Variants in CTPS2 observed in about 807,000 individuals in gnomAD.
The protein encoded by CTPS2 is CTP synthase 2, also known as CTP synthase II.
CTPS2 carries 19 observed loss-of-function variants against 46.8 expected under a neutral mutation model. The ratio of observed to expected loss-of-function variants is 0.41; its 90% CI spans 0.28 to 0.60. The LOEUF is 0.60. Among genes scored for constraint, CTPS2 ranks in the 20% least tolerant of loss-of-function variants. CTPS2 has a pLI of 0.35. For synonymous variants in CTPS2, 151 were observed against 165.2 expected, an observed-to-expected ratio of 0.91 and a Z score of 0.66; for missense variants, 286 against 447.6, an observed-to-expected ratio of 0.64 and a Z score of 3.26.
chrX:16,628,866 C>G (rs1455580131), intron 14 of CTPS2, among the ~76,000 whole-genome samples: 1 of 111,832 alleles, frequency 8.9e-6, no homozygotes, highest in Non-Finnish European at 1.9e-5. Flanking sequence ...GGTCACTAAC[C>G]GACGTTTGCC....
chrX:16,696,313 C>A (rs1208441358), intron 4 of CTPS2, among the ~76,000 whole-genome samples: 1 of 111,592 alleles, frequency 9.0e-6, no homozygotes, highest in East Asian at 2.8e-4. Flanking sequence ...GATGGTTGAC[C>A]ACTAGTATCC....
intron 17 of CTPS2, among the ~76,000 whole-genome samples, chrX:16,597,195 T>G (rs1285140245): frequency 2.7e-5 from 3 of 111,912 alleles, no homozygotes; most frequent in Admixed American, 9.5e-5. Flanking sequence ...CTCTTTAGTT[T>G]AATTAGATCC....
rs1272704396 is a variant in CTPS2 at position 16,701,801 on chromosome X, G to A, written c.166+936C>T. ...TTTTTAGTAGAGACGGGGTTTCACC[G>A]TGTTAGCCAGGACGGTCTCGATCTC... On this transcript the variant is annotated intron_variant, in intron 2 of 18. Coordinates refer to ENST00000359276, the MANE Select transcript of CTPS2 (RefSeq NM_175859.3). Among the ~76,000 whole-genome samples, 53 of 108,610 alleles carry A rather than the reference G, an allele frequency of 4.9e-4. No individual in the cohort carries two copies. In the Admixed American group the frequency reaches 5.0e-3, roughly 10 times the overall value. 94.3% of individuals were successfully genotyped at this position (108,610 alleles called of 115,157 possible).
chrX:16,622,309 C>T (rs767601703), intron 14 of CTPS2, among the ~76,000 whole-genome samples: 6 of 107,582 alleles, frequency 5.6e-5, no homozygotes, highest in African/African-American at 1.7e-4. Context: ...GGCTGGGGCA[C>T]GAGAATCACT....
At chrX:16,631,422 G>C (rs1931463098) in intron 14 of CTPS2, among the ~76,000 whole-genome samples, 1 of 111,385 alleles carries the variant, frequency 9.0e-6, no homozygotes, top group African/African-American at 3.3e-5. Context: ...AGGAGGCTGA[G>C]GCAGGAGGAC....
chrX:16,654,670 C>A (rs1279047828), intron 13 of CTPS2: 2 of 328,048 alleles, frequency 6.1e-6, no homozygotes, highest in African/African-American at 5.4e-5. Flanking sequence ...ATTAGACATA[C>A]CTTACTTTGT....
chrX:16,678,187 A>G (rs1280963659), intron 10 of CTPS2, among the ~76,000 whole-genome samples, 175 bp downstream of exon 10: 1 of 112,218 alleles, frequency 8.9e-6, no homozygotes, highest in Non-Finnish European at 1.9e-5. Context: ...CAGCATTAAC[A>G]TGGCACATTT....
In CTPS2 at chrX:16,588,004, G is replaced by C. The variant is rs2059372560; in HGVS notation, c.*1813C>G. ...TAACCAAAAGGTGAAACAAATTGTG[G>C]TATATTCATACAATGGAATTTTATT... On this transcript the variant is annotated 3_prime_UTR_variant, in exon 19 of 19. Coordinates refer to ENST00000359276, the MANE Select transcript of CTPS2 (RefSeq NM_175859.3). 1 of 111,673 alleles carries C rather than the reference G, an allele frequency of 9.0e-6. No individual in the cohort carries two copies. Among genetic ancestry groups the C allele is most frequent in the Non-Finnish European group, 1.9e-5 (1 of 53,169 alleles). The allele number at this position is 111,673 out of a possible 1,213,427, so 9.2% of individuals were successfully genotyped here.
At chrX:16,639,842 GGAA>G (rs1931992701) in intron 13 of CTPS2, among the ~76,000 whole-genome samples, 1 of 102,195 alleles carries the variant, frequency 9.8e-6, no homozygotes, top group African/African-American at 3.5e-5. Flanking sequence ...GAAAAGAAAA[GGAA>G]AAGAAAAGAA....
At chrX:16,679,456 C>T (rs952472460) in intron 9 of CTPS2, among the ~76,000 whole-genome samples, 4 of 111,311 alleles carry the variant, frequency 3.6e-5, no homozygotes, top group Non-Finnish European at 1.9e-5. Flanking sequence ...AAGTGGTAGC[C>T]ACTCTGGGAC....
At chrX:16,596,180 T>C (rs1204414277) in intron 17 of CTPS2, among the ~76,000 whole-genome samples, 1 of 97,661 alleles carries the variant, frequency 1.0e-5, no homozygotes, top group Non-Finnish European at 2.1e-5. Context: ...CGCCAAAAGT[T>C]TTTTTTTGTT....
At chrX:16,653,109 CAT>C (rs770365120) in intron 13 of CTPS2, among the ~76,000 whole-genome samples, 13 of 109,337 alleles carry the variant, frequency 1.2e-4, no homozygotes, top group Admixed American at 3.0e-4. Context: ...TTTATATATA[CAT>C]ATATATATAT....
rs750191836 is a variant in CTPS2 at position 16,693,227 on chromosome X, G to GA, written c.556-4dup. On this transcript the variant is annotated splice_region_variant and splice_polypyrimidine_tract_variant and intron_variant, in intron 5 of 18. Coordinates refer to ENST00000359276, the MANE Select transcript of CTPS2 (RefSeq NM_175859.3). ...TTTTGTTCTCCGGTAGCACTGAGCT[G>GA]AAAAAAAATGGGGTCCCGTCAGCAC... 5.0e-6 allele frequency: 6 copies of GA among 1,200,342 alleles called. No individual in the cohort carries two copies. The highest frequency in any genetic ancestry group is 5.9e-5 in the East Asian group (2 of 33,736).
At chrX:16,651,574 A>G (rs1049507252) in intron 13 of CTPS2, among the ~76,000 whole-genome samples, 9 of 112,415 alleles carry the variant, frequency 8.0e-5, no homozygotes, top group Non-Finnish European at 1.5e-4. Flanking sequence ...ACACTTACTT[A>G]GCAGTCTGTT....
In CTPS2 at chrX:16,637,773, G is replaced by A. The variant is rs189897549; in HGVS notation, c.1393+1374C>T. Among the ~76,000 whole-genome samples, 390 of 112,235 alleles carry A rather than the reference G, an allele frequency of 3.5e-3. 2 individuals are homozygous for A. The highest frequency in any genetic ancestry group is 0.012 in the African/African-American group (356 of 30,951). ...TTATATAGTATGTGTAAGGAAAAATGTTAGTGACTTAGAGAACAATGGCTT... is the reference window on the plus strand; with the variant it reads ...TTATATAGTATGTGTAAGGAAAAATATTAGTGACTTAGAGAACAATGGCTT... On this transcript the variant is annotated intron_variant, in intron 14 of 18. Transcript: ENST00000359276.
intron 13 of CTPS2, among the ~76,000 whole-genome samples, chrX:16,663,802 AG>A (rs1203021192): frequency 9.0e-6 from 1 of 111,304 alleles, no homozygotes; most frequent in Admixed American, 9.6e-5. Flanking sequence ...CTTTTTCTGC[AG>A]GGCTTAACTT....
chrX:16,648,764 A>T (rs1369340881), intron 13 of CTPS2, among the ~76,000 whole-genome samples: 1 of 112,628 alleles, frequency 8.9e-6, no homozygotes, highest in African/African-American at 3.2e-5. Context: ...CAGCAAAGAC[A>T]CATGGAATGA....
At chrX:16,639,015 A>G (rs1931909466) in intron 14 of CTPS2, 132 bp downstream of exon 14, 1 of 555,172 alleles carries the variant, frequency 1.8e-6, no homozygotes, top group Non-Finnish European at 3.2e-6. Context: ...GGAGATGGGA[A>G]GAGAGAGAAT....
intron 17 of CTPS2, among the ~76,000 whole-genome samples, chrX:16,595,490 T>C (rs1355918596): frequency 9.1e-6 from 1 of 110,321 alleles, no homozygotes; most frequent in Non-Finnish European, 1.9e-5. Flanking sequence ...ATATTTTTAG[T>C]AGAGACAGGG....
Sources: allele counts gnomAD v4.1 joint callset (sites outside exome capture counted in the v4.1 genomes callset), GRCh38; gene constraint gnomAD v4.1.1; transcripts MANE v1.5; gene names NCBI Gene and HGNC (gene_info 2026-07-23, HGNC 2026-07-21).